The following SNAP91 variants were observed in gnomAD, a reference collection of about 807,000 sequenced individuals.
SNAP91 encodes the protein clathrin coat assembly protein AP180.
A neutral mutation model predicts 100.3 loss-of-function variants in SNAP91; 27 were observed. The ratio of observed to expected loss-of-function variants is 0.27; its 90% CI spans 0.20 to 0.37. The LOEUF (loss-of-function observed/expected upper bound fraction) is 0.37. Among genes scored for constraint, SNAP91 ranks in the 10% least tolerant of loss-of-function variants. The probability of loss-of-function intolerance (pLI) is 1.00; values close to 1 mark genes in which losing one functional copy is unlikely to be tolerated. For missense variants in SNAP91, 986 were observed against 1,123.7 expected, an observed-to-expected ratio of 0.88 and a Z score of 1.75; for synonymous variants, 404 against 398.6, an observed-to-expected ratio of 1.01 and a Z score of -0.16.
chr6:83,610,723 ATATATATATATATATATAT>A (rs2095977968), intron 11 of SNAP91, 46 bp from the exon 12 acceptor site: 1 of 187,886 alleles, frequency 5.3e-6, no homozygotes, highest in Admixed American at 8.1e-5. Context: ...ATATATATAT[ATATATATATATATATATAT>A]ATATAAATAT....
At chr6:83,643,444 G>A (rs2097789556) in intron 7 of SNAP91, among the ~76,000 whole-genome samples, 1 of 152,094 alleles carries the variant, frequency 6.6e-6, no homozygotes, top group African/African-American at 2.4e-5. Flanking sequence ...TGTTATACAG[G>A]GAATCCTTTT....
chr6:83,642,552 G>A (rs971383573), intron 7 of SNAP91, among the ~76,000 whole-genome samples: 5 of 152,336 alleles, frequency 3.3e-5, no homozygotes, highest in African/African-American at 1.2e-4. Flanking sequence ...GTATTCCACA[G>A]TGTATATGTG....
chr6:83,626,867 G>C (rs764137295), intron 8 of SNAP91, among the ~76,000 whole-genome samples: 2 of 151,958 alleles, frequency 1.3e-5, no homozygotes, highest in Middle Eastern at 3.4e-3. Context: ...TATCCTGACT[G>C]CTCTGTAGGA....
intron 2 of SNAP91, chr6:83,678,832 A>C: frequency 7.8e-7 from 1 of 1,279,880 alleles, no homozygotes; most frequent in Non-Finnish European, 1.0e-6. Context: ...CATCCAATAA[A>C]AATCCAAGTC....
intron 7 of SNAP91, among the ~76,000 whole-genome samples, chr6:83,649,808 T>C (rs1268985958): frequency 1.3e-5 from 2 of 151,938 alleles, no homozygotes; most frequent in Non-Finnish European, 2.9e-5. Flanking sequence ...AGGCTGGTCT[T>C]GAATTCCTGA....
Position 83,601,341 on chromosome 6 carries a change from T to G in SNAP91, c.1254A>C (p.Ala418=). Residue 418 remains alanine (A), a synonymous_variant, in exon 16 of 30, where the codon GCA becomes GCC. Coordinates refer to ENST00000369694, the MANE Select transcript of SNAP91 (RefSeq NM_001242792.2). ...PTPPTTTAEI[A]TASASASTTT... ...TAGTGGAGGCAGAAGCTGAGGCAGT[T>G]GCAATTTCAGCAGTTGTAGTAGGAG... The G allele has an allele frequency of 6.2e-7, 1 of 1,613,614 alleles. No homozygotes were observed.
chr6:83,572,489 T>C (rs1809963869), intron 26 of SNAP91, among the ~76,000 whole-genome samples: 1 of 152,142 alleles, frequency 6.6e-6, no homozygotes, highest in African/African-American at 2.4e-5. Context: ...TGACCTCAAG[T>C]GATCCGCCTG....
chr6:83,690,441 GA>G, intron 2 of SNAP91: 1 of 1,282,424 alleles, frequency 7.8e-7, no homozygotes. Flanking sequence ...GTAGGTCTAC[GA>G]AAACAATGCA....
At chr6:83,631,967 G>T (rs1333245127) in intron 8 of SNAP91, among the ~76,000 whole-genome samples, 1 of 151,968 alleles carries the variant, frequency 6.6e-6, no homozygotes, top group African/African-American at 2.4e-5. Context: ...CTTTACAGAG[G>T]TTCTCTTTTG....
chr6:83,570,133 G>A (rs1804196439), intron 26 of SNAP91, among the ~76,000 whole-genome samples: 1 of 152,012 alleles, frequency 6.6e-6, no homozygotes, highest in African/African-American at 2.4e-5. Flanking sequence ...AGGTGGAGAT[G>A]AAGAACTTGT....
chr6:83,560,246 T>C (rs771998497), intron 27 of SNAP91, 38 bp from the exon 28 acceptor site: 4 of 1,437,666 alleles, frequency 2.8e-6, no homozygotes, highest in South Asian at 2.3e-5. Flanking sequence ...AGAGCATGAG[T>C]GGAACTCACT....
intron 16 of SNAP91, among the ~76,000 whole-genome samples, chr6:83,596,960 G>A (rs894866789): frequency 6.6e-6 from 1 of 152,060 alleles, no homozygotes; most frequent in African/African-American, 2.4e-5. Context: ...GGATCAAATA[G>A]ATATTTATGG....
At chr6:83,565,255 A>C (rs766508714) in intron 26 of SNAP91, among the ~76,000 whole-genome samples, 19 of 152,024 alleles carry the variant, frequency 1.2e-4, no homozygotes, top group Non-Finnish European at 2.5e-4. Context: ...TCCCCTCTCT[A>C]TCAGGGACAA....
chr6:83,582,426 T>C (rs1010213193), intron 22 of SNAP91, 70 bp from the exon 23 acceptor site: 9 of 1,435,452 alleles, frequency 6.3e-6, no homozygotes, highest in Admixed American at 2.5e-5. Flanking sequence ...AAACTGAATT[T>C]AAAAAGTTAT....
chr6:83,557,446 T>A (rs929131490), intron 28 of SNAP91, among the ~76,000 whole-genome samples: 3 of 151,878 alleles, frequency 2.0e-5, no homozygotes, highest in Non-Finnish European at 2.9e-5. Flanking sequence ...GGCAGGAGGA[T>A]CACTTGAGGC....
At chr6:83,594,318 G>A (rs1166549493) in intron 17 of SNAP91, 56 bp downstream of exon 17, 14 of 1,328,156 alleles carry the variant, frequency 1.1e-5, no homozygotes, top group African/African-American at 5.8e-5. Context: ...TTCTAACTAC[G>A]GGGGTTTTAC....
In SNAP91 at chr6:83,580,668, A is replaced by T. The variant is rs78349707; in HGVS notation, c.2150-69T>A. The stretch of plus-strand genomic sequence containing the variant: ...AAAGATCATATGCGAAATTAAAGTA[A>T]AACTCTCTTTTGATACTATGGAAAC... On this transcript the variant is annotated intron_variant, in intron 23 of 29. Coordinates refer to ENST00000369694, the MANE Select transcript of SNAP91 (RefSeq NM_001242792.2). The T allele has an allele frequency of 5.4e-3, 7,599 of 1,416,868 alleles. 334 individuals are homozygous for T. The African/African-American group carries it at 0.095, about 18-fold the overall frequency. 87.8% of individuals were successfully genotyped at this position (1,416,868 alleles called of 1,614,324 possible).
intron 7 of SNAP91, among the ~76,000 whole-genome samples, chr6:83,643,352 G>C (rs1278045033): frequency 1.3e-5 from 2 of 152,148 alleles, no homozygotes; most frequent in Admixed American, 1.3e-4. Context: ...AATCCATCTT[G>C]AATTAATTTT....
At chr6:83,673,878 C>A (rs2098823462) in intron 2 of SNAP91, among the ~76,000 whole-genome samples, 1 of 152,144 alleles carries the variant, frequency 6.6e-6, no homozygotes, top group Admixed American at 6.6e-5. Flanking sequence ...CTCTTTCTTT[C>A]ATAATAAACA....
Sources: gnomAD v4.1 joint callset for allele counts (sites outside exome capture counted in the v4.1 genomes callset) on GRCh38, gnomAD v4.1.1 for gene constraint, MANE v1.5 for transcripts, NCBI Gene and HGNC (gene_info 2026-07-23, HGNC 2026-07-21) for gene names.